The following MIPOL1 variants were observed in gnomAD, a reference collection of about 807,000 sequenced individuals.
MIPOL1 encodes the protein mirror-image polydactyly gene 1 protein.
MIPOL1 carries 57 observed loss-of-function variants against 60.9 expected under a neutral mutation model. The observed-to-expected ratio is 0.94, with a 90% CI of 0.76 to 1.17. The LOEUF (loss-of-function observed/expected upper bound fraction) is 1.17. MIPOL1 is among the 50% of genes most tolerant of loss of function. MIPOL1 has a pLI of 0.00. For missense variants in MIPOL1, 551 were observed against 511.6 expected (o/e 1.08, Z -0.74); for synonymous variants, 179 against 168.8 (o/e 1.06, Z -0.47).
Position 37,360,309 on chromosome 14 carries a change from TG to T in MIPOL1, c.829-9206del, listed in dbSNP as rs2092150373. The stretch of plus-strand genomic sequence containing the variant: ...TTTTTGTTGTGTCTCTGCCACGCTT[TG>T]GTATCAGGGTGATGTTGCCTCATAA... On this transcript the variant is annotated intron_variant, in intron 9 of 12. Coordinates refer to ENST00000684589, the MANE Select transcript of MIPOL1 (RefSeq NM_001388067.1). 2.0e-5 allele frequency among the ~76,000 whole-genome samples: 3 copies of T among 152,338 alleles called. No individual in the cohort carries two copies. The South Asian group carries it at 6.2e-4, about 32-fold the overall frequency.
chr14:37,392,854 C>T (rs2093282360), intron 10 of MIPOL1, among the ~76,000 whole-genome samples: 1 of 152,138 alleles, frequency 6.6e-6, no homozygotes, highest in South Asian at 2.1e-4. Context: ...AAGTCTTGTG[C>T]AACCTGGCTG....
intron 1 of MIPOL1, among the ~76,000 whole-genome samples, chr14:37,222,661 C>A (rs140284181): frequency 6.6e-6 from 1 of 152,124 alleles, no homozygotes; most frequent in African/African-American, 2.4e-5. Flanking sequence ...TCAGAATAGC[C>A]TTTACTGTCC....
chr14:37,476,683 T>A (rs1048438408), intron 11 of MIPOL1, among the ~76,000 whole-genome samples: 1 of 152,142 alleles, frequency 6.6e-6, no homozygotes, highest in African/African-American at 2.4e-5. Context: ...CTTTTTTATA[T>A]GATTAATGAT....
chr14:37,494,828 A>G (rs896137598), intron 11 of MIPOL1, among the ~76,000 whole-genome samples: 13 of 152,192 alleles, frequency 8.5e-5, no homozygotes, highest in Admixed American at 1.3e-4. Flanking sequence ...GTCTACTTCC[A>G]TCTTTTTAAA....
intron 1 of MIPOL1, among the ~76,000 whole-genome samples, chr14:37,239,807 G>C (rs561069921): frequency 6.6e-6 from 1 of 152,264 alleles, no homozygotes; most frequent in Non-Finnish European, 1.5e-5. Context: ...GGAGGAGGCT[G>C]TGACATTCTT....
chr14:37,245,490 C>T (rs1271755059), intron 1 of MIPOL1, among the ~76,000 whole-genome samples: 3 of 152,072 alleles, frequency 2.0e-5, no homozygotes, highest in African/African-American at 7.2e-5. Context: ...ATGTGCTGTA[C>T]ATTTTAAACT....
In MIPOL1 at chr14:37,268,722, G is replaced by A; in HGVS notation, c.316G>A (p.Asp106Asn). 1 of 1,601,264 alleles carries A rather than the reference G, an allele frequency of 6.2e-7. No homozygotes were observed. Among genetic ancestry groups the A allele is most frequent in the Non-Finnish European group, 8.5e-7 (1 of 1,171,536 alleles). ...TATGACTCCTTGTCAAGTTACTTCA[G>A]ACTCAGATAAAGAGAAGACAATAGC... ...ECMTPCQVTS[D>N]SDKEKTIAFL... Residue 106 changes from aspartate to asparagine, a missense_variant, in exon 5 of 13, where the codon GAC (aspartate) becomes AAC (asparagine). Physicochemically the swap from Asp to Asn is conservative, Grantham distance 23. Coordinates refer to ENST00000684589, the MANE Select transcript of MIPOL1 (RefSeq NM_001388067.1).
chr14:37,503,676 T>C (rs1168620367), intron 12 of MIPOL1: 1 of 152,142 alleles, frequency 6.6e-6, no homozygotes, highest in African/African-American at 2.4e-5. Context: ...AGACCATCGA[T>C]GCTAGGAAAA....
chr14:37,474,556 G>A (rs913547304), intron 11 of MIPOL1, among the ~76,000 whole-genome samples: 27 of 152,302 alleles, frequency 1.8e-4, no homozygotes, highest in African/African-American at 6.0e-4. Flanking sequence ...CTTCAGCCAT[G>A]ATTATGAGGT....
chr14:37,411,514 A>G (rs1217247961), intron 10 of MIPOL1, among the ~76,000 whole-genome samples: 1 of 152,114 alleles, frequency 6.6e-6, no homozygotes, highest in Non-Finnish European at 1.5e-5. Flanking sequence ...GCTTATAAAG[A>G]TCATCAGAGA....
chr14:37,425,997 G>A (rs2093953949), intron 11 of MIPOL1, among the ~76,000 whole-genome samples: 2 of 152,136 alleles, frequency 1.3e-5, no homozygotes, highest in South Asian at 2.1e-4. Context: ...ACTTGAGTAA[G>A]AAAGGTGGTA....
At position 37,275,661 on chromosome 14, in the gene MIPOL1, G is replaced by A. The variant is rs187222797; in HGVS notation, c.493+5136G>A. On this transcript the variant is annotated intron_variant, in intron 6 of 12. Transcript: ENST00000684589. ...TCTATTGCTTTTATAGTATGCAGAT[G>A]ATGCTTGAATTTTACGTAAAAGTAT... is the stretch of plus-strand genomic sequence containing the variant. Among the ~76,000 whole-genome samples the A allele has an allele frequency of 1.7e-3, 264 of 151,046 alleles. 1 individual carries two copies. Among genetic ancestry groups the A allele is most frequent in the South Asian group, 0.011 (52 of 4,808 alleles).
chr14:37,469,768 A>G (rs1489680677), intron 11 of MIPOL1, among the ~76,000 whole-genome samples: 1 of 151,866 alleles, frequency 6.6e-6, no homozygotes, highest in Non-Finnish European at 1.5e-5. Context: ...GTGCACTCCT[A>G]AAAAAAAGGA....
At chr14:37,523,489 T>C (rs1164479936) in intron 12 of MIPOL1, 4 of 419,766 alleles carry the variant, frequency 9.5e-6, no homozygotes, top group Non-Finnish European at 1.7e-5. Context: ...AATACAAATC[T>C]ATTTCATTCC....
intron 11 of MIPOL1, among the ~76,000 whole-genome samples, chr14:37,443,950 C>G (rs1429423279): frequency 6.6e-6 from 1 of 151,916 alleles, no homozygotes; most frequent in African/African-American, 2.4e-5. Context: ...AATTCAAAAC[C>G]CATTCAGTTG....
intron 11 of MIPOL1, among the ~76,000 whole-genome samples, chr14:37,484,258 G>A (rs562767356): frequency 6.8e-6 from 1 of 146,446 alleles, no homozygotes; most frequent in South Asian, 2.2e-4. Context: ...TTCAGCCATT[G>A]TTTCTTTAAG....
At chr14:37,457,812 C>T (rs1057224472) in intron 11 of MIPOL1, among the ~76,000 whole-genome samples, 1 of 152,146 alleles carries the variant, frequency 6.6e-6, no homozygotes, top group Non-Finnish European at 1.5e-5. Context: ...AAACATATAA[C>T]TAAATCACCT....
rs75925731 is a variant in MIPOL1, at chr14:37,519,469, T to G, written c.1262+19331T>G. 1.5e-3 allele frequency among the ~76,000 whole-genome samples: 231 copies of G among 152,250 alleles called. 3 individuals are homozygous for G. The East Asian group carries it at 0.037, about 24-fold the overall frequency. The stretch of plus-strand genomic sequence containing the variant: ...AGTGTTAGACTAGGTACTGATCCTT[T>G]CCTTATTTAAAATTTTGATATTTTT... On this transcript the variant is annotated intron_variant, in intron 12 of 12. Coordinates refer to ENST00000684589, the MANE Select transcript of MIPOL1 (RefSeq NM_001388067.1).
At chr14:37,540,588 T>A (rs2095525918) in intron 12 of MIPOL1, among the ~76,000 whole-genome samples, 1 of 152,144 alleles carries the variant, frequency 6.6e-6, no homozygotes, top group Non-Finnish European at 1.5e-5. Flanking sequence ...CTTCCTTACA[T>A]TTCTGTGCTT....
Sources: allele counts gnomAD v4.1 joint callset (sites outside exome capture counted in the v4.1 genomes callset), GRCh38; gene constraint gnomAD v4.1.1; transcripts MANE v1.5; gene names NCBI Gene and HGNC (gene_info 2026-07-23, HGNC 2026-07-21).